The following ZNF76 variants were observed in gnomAD, a reference collection of about 807,000 sequenced individuals.
ZNF76 encodes the protein zinc finger protein 523.
Under a neutral mutation model 66.9 loss-of-function variants are expected in ZNF76, and 66 were observed. The observed-to-expected ratio is 0.99, with a 90% CI of 0.81 to 1.21. The LOEUF is 1.21. Ranked by LOEUF, ZNF76 falls within the 50% of genes most tolerant of loss-of-function variation. The pLI is 0.00. For synonymous variants in ZNF76, 275 were observed against 296.1 expected (o/e 0.93, Z 0.73); for missense variants, 729 against 760.3 (o/e 0.96, Z 0.48).
rs765788420 is a variant in ZNF76, at chr6:35,290,329, C to G, written c.496C>G (p.Arg166Gly). Reference sequence around the variant, plus strand: ...GCAGCAAGTTGGAGACAGAGCATTCCGCTGTGGCTACAAGGGCTGTGGGCG... The same window carrying G: ...GCAGCAAGTTGGAGACAGAGCATTCGGCTGTGGCTACAAGGGCTGTGGGCG... ...KGQQVGDRAF[R>G]CGYKGCGRLY... Residue 166 changes from arginine to glycine, a missense_variant, in exon 6 of 14, where the codon CGC (arginine) becomes GGC (glycine). Coordinates refer to ENST00000373953, the MANE Select transcript of ZNF76 (RefSeq NM_003427.5). 5.6e-6 allele frequency: 9 copies of G among 1,614,192 alleles called. No homozygotes were observed. The highest frequency in any genetic ancestry group is 6.8e-6 in the Non-Finnish European group (8 of 1,180,026).
chr6:35,274,709 A>G (rs1787625644), intron 1 of ZNF76, among the ~76,000 whole-genome samples: 1 of 152,174 alleles, frequency 6.6e-6, no homozygotes, highest in East Asian at 1.9e-4. Flanking sequence ...ACAAAATGAG[A>G]TCCTGTCTCT....
At position 35,295,199 on chromosome 6, in the gene ZNF76, A is replaced by C; in HGVS notation, c.1664A>C (p.Gln555Pro). 6.2e-7 allele frequency: 1 copy of C among 1,612,160 alleles called. No individual in the cohort carries two copies. The highest frequency in any genetic ancestry group is 8.5e-7 in the Non-Finnish European group (1 of 1,179,188). ...EAINVATAAM[Q>P]QGAVTLETTV... ...ATCAATGTGGCCACTGCGGCCATGC[A>C]GCAAGGGGCTGTGACCCTGGAGACA... The change falls in exon 14 of 14, where the codon CAG becomes CCG. Residue 555 changes from glutamine (Q) to proline (P), a missense_variant. Gln to Pro is a moderately conservative substitution (Grantham distance 76, BLOSUM62 -1). Transcript: ENST00000373953.
At chr6:35,262,014 T>A (rs1416384495) in intron 1 of ZNF76, among the ~76,000 whole-genome samples, 7 of 152,188 alleles carry the variant, frequency 4.6e-5, no homozygotes, top group African/African-American at 1.7e-4. Context: ...TTAATGTAAG[T>A]TTTATGTGAC....
At chr6:35,291,059 T>G in intron 7 of ZNF76, 1 of 622,652 alleles carries the variant, frequency 1.6e-6, no homozygotes, top group South Asian at 2.1e-5. Flanking sequence ...TCTCTAAGTT[T>G]CTTTTCATGC....
At chr6:35,286,106 T>C in intron 2 of ZNF76, 22 bp from the exon 3 acceptor site, 1 of 1,612,968 alleles carries the variant, frequency 6.2e-7, no homozygotes, top group Non-Finnish European at 8.5e-7. Context: ...GGCCCATTTC[T>C]CTCTATTTCC....
intron 1 of ZNF76, among the ~76,000 whole-genome samples, chr6:35,274,739 C>T (rs1049665559): frequency 6.6e-6 from 1 of 152,152 alleles, no homozygotes; most frequent in Middle Eastern, 3.2e-3. Flanking sequence ...AAAGGTTTTT[C>T]TAAATGTTCT....
chr6:35,261,138 T>C (rs1025016469), intron 1 of ZNF76, among the ~76,000 whole-genome samples: 34 of 152,172 alleles, frequency 2.2e-4, no homozygotes, highest in Non-Finnish European at 3.5e-4. Flanking sequence ...AGGGAGAAAA[T>C]AGTAGTGCCT....
rs774451522 is a variant in ZNF76, at chr6:35,277,946, G to A, written c.-96-3110G>A. On this transcript the variant is annotated intron_variant, in intron 1 of 13. Coordinates refer to ENST00000373953, the MANE Select transcript of ZNF76 (RefSeq NM_003427.5). ...GCAGTCTTGGCTCACTGCAAGCTCC[G>A]CCTCCCAGGTTTATGCCATTCTTCT... Among the ~76,000 whole-genome samples, 16 of 152,048 alleles carry A rather than the reference G, an allele frequency of 1.1e-4. 2 individuals carry two copies. The South Asian group carries it at 1.2e-3, about 12-fold the overall frequency.
intron 11 of ZNF76, 56 bp from the exon 12 acceptor site, chr6:35,293,695 A>G: frequency 1.3e-6 from 2 of 1,585,624 alleles, no homozygotes; most frequent in Non-Finnish European, 1.7e-6. Context: ...TTCCTTAGGG[A>G]CTTTCAGACA....
intron 1 of ZNF76, among the ~76,000 whole-genome samples, chr6:35,273,345 G>A (rs142942588): frequency 0.01 from 1,526 of 149,938 alleles, 24 homozygotes; most frequent in African/African-American, 0.028. Flanking sequence ...GCTAATTTTC[G>A]TATTTTTAGT....
intron 1 of ZNF76, among the ~76,000 whole-genome samples, chr6:35,266,650 G>A (rs976321747): frequency 2.6e-5 from 4 of 152,244 alleles, no homozygotes; most frequent in South Asian, 2.1e-4. Context: ...AAGAGACAGC[G>A]GAGTATGGGA....
rs1352819199 is a variant in ZNF76 at position 35,286,306 on chromosome 6, A to C, written c.155-16A>C. On this transcript the variant is annotated splice_polypyrimidine_tract_variant and intron_variant, in intron 3 of 13. Coordinates refer to ENST00000373953, the MANE Select transcript of ZNF76 (RefSeq NM_003427.5). ...CACTGAGCTCCAGGGAAAGGCAGGCATTGCTCTCGTTACAGAAGCTCTCTC... is the reference window on the plus strand; with the variant it reads ...CACTGAGCTCCAGGGAAAGGCAGGCCTTGCTCTCGTTACAGAAGCTCTCTC... 1 of 1,614,156 alleles carries C rather than the reference A, an allele frequency of 6.2e-7. No homozygotes were observed. The highest frequency in any genetic ancestry group is 2.2e-5 in the East Asian group (1 of 44,884).
intron 11 of ZNF76, among the ~76,000 whole-genome samples, 179 bp from the exon 12 acceptor site, chr6:35,293,572 A>G (rs1790751102): frequency 6.6e-6 from 1 of 151,972 alleles, no homozygotes; most frequent in Non-Finnish European, 1.5e-5. Flanking sequence ...GAATTCTTCT[A>G]GTGTGGCCTC....
intron 1 of ZNF76, among the ~76,000 whole-genome samples, chr6:35,265,520 A>AAAAG (rs1785892538): frequency 6.7e-6 from 1 of 149,194 alleles, no homozygotes; most frequent in Non-Finnish European, 1.5e-5. Flanking sequence ...AAAAAAAAAA[A>AAAAG]AAGAAGAAGA....
chr6:35,267,444 T>C (rs1582034758), intron 1 of ZNF76, among the ~76,000 whole-genome samples: 1 of 152,260 alleles, frequency 6.6e-6, no homozygotes, highest in East Asian at 1.9e-4. Context: ...CAGCCCCTCC[T>C]ATTGTGGGAG....
At chr6:35,270,564 T>TTTTG (rs538323620) in intron 1 of ZNF76, 1 of 152,094 alleles carries the variant, frequency 6.6e-6, no homozygotes, top group Admixed American at 6.6e-5. Context: ...CTTCCACAGA[T>TTTTG]TTTGTTTGTT....
intron 1 of ZNF76, among the ~76,000 whole-genome samples, chr6:35,260,296 G>A (rs998044932): frequency 6.6e-6 from 1 of 151,536 alleles, no homozygotes; most frequent in Non-Finnish European, 1.5e-5. Context: ...TCCTGGCCCA[G>A]TAACCCCCCC....
Position 35,290,339 on chromosome 6 carries a change from A to G in ZNF76, c.506A>G (p.Tyr169Cys). 5 of 1,614,256 alleles carry G rather than the reference A, an allele frequency of 3.1e-6. No individual in the cohort carries two copies. Among genetic ancestry groups the G allele is most frequent in the Non-Finnish European group, 3.4e-6 (4 of 1,180,026 alleles). Residue 169 changes from tyrosine to cysteine, a missense_variant, in exon 6 of 14, where the codon TAC (tyrosine) becomes TGC (cysteine). Coordinates refer to ENST00000373953, the MANE Select transcript of ZNF76 (RefSeq NM_003427.5). Reference protein sequence around the residue: ...QVGDRAFRCGYKGCGRLYTTA... With the variant: ...QVGDRAFRCGCKGCGRLYTTA... Reference sequence around the variant, plus strand: ...GGAGACAGAGCATTCCGCTGTGGCTACAAGGGCTGTGGGCGTCTCTACACC... The same window carrying G: ...GGAGACAGAGCATTCCGCTGTGGCTGCAAGGGCTGTGGGCGTCTCTACACC...
At position 35,291,673 on chromosome 6, in the gene ZNF76, G is replaced by A. The variant is rs750901577; in HGVS notation, c.867G>A (p.Glu289=). 1 of 1,613,636 alleles carries A rather than the reference G, an allele frequency of 6.2e-7. No homozygotes were observed. Among genetic ancestry groups the A allele is most frequent in the South Asian group, 1.1e-5 (1 of 91,080 alleles). ...GCGAGAGGCCCTACACCTGCCCGGA[G>A]CCCCACTGTGGCCGCGGCTTCACCA... The part of the protein sequence containing the change: ...HTGERPYTCP[E]PHCGRGFTSA... Residue 289 remains glutamate, a synonymous_variant, in exon 9 of 14, where the codon GAG becomes GAA. Transcript: ENST00000373953.
Sources: allele counts gnomAD v4.1 joint callset (sites outside exome capture counted in the v4.1 genomes callset), GRCh38; gene constraint gnomAD v4.1.1; transcripts MANE v1.5; gene names NCBI Gene and HGNC (gene_info 2026-07-23, HGNC 2026-07-21).